PDK1: variants seen among roughly 807,000 people sequenced by gnomAD.
PDK1 encodes pyruvate dehydrogenase kinase 1.
A neutral mutation model predicts 54.2 loss-of-function variants in PDK1; 39 were observed. That is an observed-to-expected ratio of 0.72 (90% confidence interval 0.56 to 0.94). PDK1 has a LOEUF of 0.94. PDK1 is among the 40% of genes least tolerant of loss of function. The probability of loss-of-function intolerance (pLI) is 0.00; values close to 1 mark genes in which losing one functional copy is unlikely to be tolerated. For missense variants in PDK1, 552 were observed against 566.0 expected (o/e 0.98, Z 0.25); for synonymous variants, 221 against 207.1 (o/e 1.07, Z -0.58).
the PDK1 span, among the ~76,000 whole-genome samples, chr2:172,671,007 T>C: frequency 6.6e-6 from 1 of 152,088 alleles, no homozygotes; most frequent in Non-Finnish European, 1.5e-5. Flanking sequence ...GTTTTGATTT[T>C]TTATGATGTA....
At chr2:172,581,266 T>C (rs972414085) in intron 8 of PDK1, among the ~76,000 whole-genome samples, 1 of 152,064 alleles carries the variant, frequency 6.6e-6, no homozygotes, top group Non-Finnish European at 1.5e-5. Flanking sequence ...AATTCTTGTA[T>C]TTTTAGTAGA....
intron 8 of PDK1, among the ~76,000 whole-genome samples, chr2:172,585,812 G>T (rs1690190341): frequency 6.6e-6 from 1 of 152,108 alleles, no homozygotes; most frequent in South Asian, 2.1e-4. Flanking sequence ...GTTGGGTTGG[G>T]TTCAACAGCG....
At chr2:172,713,018 C>T in the PDK1 span, among the ~76,000 whole-genome samples, 1 of 152,172 alleles carries the variant, frequency 6.6e-6, no homozygotes, top group African/African-American at 2.4e-5. Context: ...GAGAGGAGAC[C>T]TGGTGTGGGT....
At chr2:172,562,160 C>A in intron 2 of PDK1, 60 bp from the exon 3 acceptor site, 1 of 861,876 alleles carries the variant, frequency 1.2e-6, no homozygotes, top group Non-Finnish European at 1.9e-6. Context: ...AGCTAATTTT[C>A]ATGATATTGA....
intron 8 of PDK1, among the ~76,000 whole-genome samples, chr2:172,583,507 T>C (rs1427698213): frequency 1.3e-5 from 2 of 151,938 alleles, no homozygotes; most frequent in African/African-American, 4.8e-5. Context: ...TTGGCCAGGC[T>C]GGTCTCGAAC....
At chr2:172,631,764 A>G in the PDK1 span, among the ~76,000 whole-genome samples, 1 of 152,134 alleles carries the variant, frequency 6.6e-6, no homozygotes, top group Non-Finnish European at 1.5e-5. Context: ...GACTGGTAGC[A>G]TTGTTTAGCT....
At chr2:172,633,575 T>TGTA in the PDK1 span, among the ~76,000 whole-genome samples, 109,602 of 150,592 alleles carry the variant, frequency 0.73, 40,098 homozygotes, top group Non-Finnish European at 0.77. Context: ...TTGTTTTGCT[T>TGTA]GTTTTTTTAA....
the PDK1 span, among the ~76,000 whole-genome samples, chr2:172,683,901 C>T: frequency 6.6e-6 from 1 of 152,184 alleles, no homozygotes; most frequent in Non-Finnish European, 1.5e-5. Flanking sequence ...CAGAGGAAGA[C>T]TGGAATGGTT....
At chr2:172,674,630 C>G in the PDK1 span, 1 of 152,334 alleles carries the variant, frequency 6.6e-6, no homozygotes, top group East Asian at 1.9e-4. Context: ...AGGTTCCTTT[C>G]CATCAGAACT....
chr2:172,641,186 G>A, the PDK1 span, among the ~76,000 whole-genome samples: 1 of 144,988 alleles, frequency 6.9e-6, no homozygotes, highest in Non-Finnish European at 1.5e-5. Flanking sequence ...CTGTAGTGTA[G>A]TGGCATCATA....
At chr2:172,634,104 G>A in the PDK1 span, among the ~76,000 whole-genome samples, 3 of 150,974 alleles carry the variant, frequency 2.0e-5, no homozygotes, top group Non-Finnish European at 3.0e-5. Flanking sequence ...TCGAACTCCT[G>A]AGAGCTCAGG....
chr2:172,691,801 T>C, the PDK1 span, among the ~76,000 whole-genome samples: 1 of 152,256 alleles, frequency 6.6e-6, no homozygotes, highest in African/African-American at 2.4e-5. Flanking sequence ...CCACAGTTTA[T>C]GTATTCATTC....
chr2:172,556,048 GC>G, upstream of PDK1: 1 of 885,950 alleles, frequency 1.1e-6, no homozygotes, highest in Non-Finnish European at 1.5e-6. Flanking sequence ...GCCGGTGACA[GC>G]CGATCCCCGC....
intron 8 of PDK1, among the ~76,000 whole-genome samples, chr2:172,581,910 TTG>T (rs1180553277): frequency 6.6e-6 from 1 of 151,948 alleles, no homozygotes; most frequent in Non-Finnish European, 1.5e-5. Flanking sequence ...TGTCTTTTTT[TTG>T]TGTGTGTGTG....
chr2:172,668,906 T>TATACAGAGAG, the PDK1 span, among the ~76,000 whole-genome samples: 8 of 130,632 alleles, frequency 6.1e-5, no homozygotes, highest in South Asian at 2.5e-4. Context: ...TATATATATA[T>TATACAGAGAG]AGAGAGAGAG....
At chr2:172,702,352 C>G in the PDK1 span, among the ~76,000 whole-genome samples, 11 of 152,246 alleles carry the variant, frequency 7.2e-5, no homozygotes, top group African/African-American at 2.4e-4. Context: ...TGGCGGATGC[C>G]TGTAATCCCA....
At chr2:172,613,811 A>G in the PDK1 span, among the ~76,000 whole-genome samples, 1 of 151,934 alleles carries the variant, frequency 6.6e-6, no homozygotes, top group Non-Finnish European at 1.5e-5. Context: ...TGGGACAGGA[A>G]CTCCCAGTGC....
the PDK1 span, among the ~76,000 whole-genome samples, chr2:172,676,479 A>G: frequency 2.6e-5 from 4 of 152,230 alleles, no homozygotes; most frequent in Admixed American, 6.5e-5. Context: ...TAAGACTTCA[A>G]TAAAGGAGAT....
chr2:172,635,693 C>CTG, the PDK1 span, among the ~76,000 whole-genome samples: 4 of 152,302 alleles, frequency 2.6e-5, no homozygotes, highest in Middle Eastern at 3.4e-3. Flanking sequence ...AGACTGCTGC[C>CTG]CCCCTCCACC....
Sources: gnomAD v4.1 joint callset for allele counts (sites outside exome capture counted in the v4.1 genomes callset) on GRCh38, gnomAD v4.1.1 for gene constraint, MANE v1.5 for transcripts, NCBI Gene and HGNC (gene_info 2026-07-23, HGNC 2026-07-21) for gene names.